The following FHIT variants were observed in gnomAD, a reference collection of about 807,000 sequenced individuals.
The protein encoded by FHIT is fragile histidine triad diadenosine triphosphatase.
Under a neutral mutation model 17.9 loss-of-function variants are expected in FHIT, and 19 were observed. The ratio of observed to expected loss-of-function variants is 1.06; its 90% CI spans 0.74 to 1.56. The LOEUF is 1.56. Ranked by LOEUF, FHIT falls within the 40% of genes most tolerant of loss-of-function variation. FHIT has a pLI of 0.00. For synonymous variants in FHIT, 81 were observed against 69.7 expected (o/e 1.16, Z -0.81); for missense variants, 248 against 189.2 (o/e 1.31, Z -1.82).
At chr3:60,398,684 C>A (rs1701549105) in intron 5 of FHIT, among the ~76,000 whole-genome samples, 1 of 152,050 alleles carries the variant, frequency 6.6e-6, no homozygotes, top group Admixed American at 6.6e-5. Flanking sequence ...AAATTACACA[C>A]TTAATATGTT....
chr3:60,504,417 C>T (rs1032322622), intron 5 of FHIT, among the ~76,000 whole-genome samples: 9 of 143,072 alleles, frequency 6.3e-5, no homozygotes, highest in East Asian at 2.1e-4. Context: ...GGCGACAGAA[C>T]GAGACCCCGT....
chr3:60,652,549 T>C (rs1441116253), intron 4 of FHIT, among the ~76,000 whole-genome samples: 1 of 151,972 alleles, frequency 6.6e-6, no homozygotes, highest in Non-Finnish European at 1.5e-5. Flanking sequence ...CTGGCTAATA[T>C]GGTGAAACCC....
chr3:60,143,432 A>C (rs1700119371), intron 5 of FHIT, among the ~76,000 whole-genome samples: 1 of 152,136 alleles, frequency 6.6e-6, no homozygotes, highest in Non-Finnish European at 1.5e-5. Flanking sequence ...CAGCCATAGA[A>C]GTAAGTGACA....
intron 5 of FHIT, among the ~76,000 whole-genome samples, chr3:60,195,940 A>G (rs1290886831): frequency 1.3e-5 from 2 of 152,110 alleles, no homozygotes; most frequent in East Asian, 1.9e-4. Context: ...TGCACAACTC[A>G]GGTGATGCAT....
intron 5 of FHIT, among the ~76,000 whole-genome samples, chr3:60,243,709 G>A (rs761563502): frequency 2.6e-5 from 4 of 152,054 alleles, no homozygotes; most frequent in African/African-American, 4.8e-5. Flanking sequence ...CTTCTTAAAC[G>A]TTGAAGATAT....
At chr3:60,335,736 A>T (rs1410772968) in intron 5 of FHIT, among the ~76,000 whole-genome samples, 2 of 152,074 alleles carry the variant, frequency 1.3e-5, no homozygotes, top group Non-Finnish European at 2.9e-5. Flanking sequence ...AATTTATTAG[A>T]TATATTGGGT....
chr3:61,124,707 G>C (rs114218228), intron 2 of FHIT, among the ~76,000 whole-genome samples: 31 of 152,214 alleles, frequency 2.0e-4, no homozygotes, highest in Non-Finnish European at 4.0e-4. Context: ...CATTGTGAGA[G>C]TTTAAGTATT....
intron 8 of FHIT, among the ~76,000 whole-genome samples, chr3:59,826,300 G>A (rs6446083): frequency 0.053 from 8,076 of 152,164 alleles, 671 homozygotes; most frequent in African/African-American, 0.18. Flanking sequence ...TTGTAGAGAT[G>A]GGGTTTCACC....
At chr3:61,130,210 A>G (rs2036724669) in intron 2 of FHIT, among the ~76,000 whole-genome samples, 1 of 152,244 alleles carries the variant, frequency 6.6e-6, no homozygotes. Context: ...AGGTCCAAGA[A>G]AAAGAAACGT....
chr3:60,101,130 A>G (rs1704173765), intron 5 of FHIT, among the ~76,000 whole-genome samples: 1 of 152,160 alleles, frequency 6.6e-6, no homozygotes, highest in Admixed American at 6.5e-5. Flanking sequence ...CCCGCTCCCT[A>G]TTCTAATCCT....
chr3:59,919,280 C>T, intron 8 of FHIT, among the ~76,000 whole-genome samples: 1 of 152,158 alleles, frequency 6.6e-6, no homozygotes, highest in East Asian at 1.9e-4. Flanking sequence ...GAAGCTCACC[C>T]CCTTGGAAGG....
chr3:60,345,676 AT>A (rs1225382425), intron 5 of FHIT, among the ~76,000 whole-genome samples: 3 of 152,208 alleles, frequency 2.0e-5, no homozygotes, highest in African/African-American at 4.8e-5. Flanking sequence ...TTTACCTTCC[AT>A]TATGGACCTT....
chr3:60,134,864 C>T (rs60569918), intron 5 of FHIT, among the ~76,000 whole-genome samples: 5,040 of 152,182 alleles, frequency 0.033, 279 homozygotes, highest in African/African-American at 0.11. Flanking sequence ...ATGGCTCTTT[C>T]ACTAGCTCAT....
chr3:60,805,795 G>A (rs544337663), intron 4 of FHIT, among the ~76,000 whole-genome samples: 3 of 152,146 alleles, frequency 2.0e-5, no homozygotes, highest in South Asian at 2.1e-4. Flanking sequence ...TCCTCACCTC[G>A]TGATCTGCCC....
At chr3:60,860,425 G>GTATACATGACATACATCATATGTAT (rs1412059907) in intron 3 of FHIT, among the ~76,000 whole-genome samples, 1 of 130,054 alleles carries the variant, frequency 7.7e-6, no homozygotes, top group Non-Finnish European at 1.7e-5. Context: ...ATGTATATAT[G>GTATACATGACATACATCATATGTAT]ATACATATAT....
intron 4 of FHIT, among the ~76,000 whole-genome samples, chr3:60,777,593 A>AGAAAGGAATGAAAACAAAGGGG (rs1700251312): frequency 1.3e-5 from 2 of 152,352 alleles, no homozygotes; most frequent in Middle Eastern, 3.4e-3. Flanking sequence ...GGATCTGGAG[A>AGAAAGGAATGAAAACAAAGGGG]GAAAGGAATG....
intron 4 of FHIT, among the ~76,000 whole-genome samples, chr3:60,569,753 A>AT (rs1200159409): frequency 1.9e-4 from 11 of 57,218 alleles, no homozygotes; most frequent in Admixed American, 1.8e-3. Flanking sequence ...ATATATATAT[A>AT]TATTTTTTTT....
chr3:60,011,331 T>A, intron 7 of FHIT, 40 bp downstream of exon 7: 1 of 1,598,532 alleles, frequency 6.3e-7, no homozygotes, highest in Non-Finnish European at 8.6e-7. Flanking sequence ...GTTCTCATAA[T>A]CGCCTCTTAT....
intron 5 of FHIT, among the ~76,000 whole-genome samples, chr3:60,362,423 G>A (rs1699943324): frequency 6.6e-6 from 1 of 152,020 alleles, no homozygotes; most frequent in Non-Finnish European, 1.5e-5. Flanking sequence ...AAAATGTGTT[G>A]TTTTAATTTC....
Sources: gnomAD v4.1 joint callset for allele counts (sites outside exome capture counted in the v4.1 genomes callset) on GRCh38, gnomAD v4.1.1 for gene constraint, MANE v1.5 for transcripts, NCBI Gene and HGNC (gene_info 2026-07-23, HGNC 2026-07-21) for gene names.